The following PBX3 variants were observed in gnomAD, a reference collection of about 807,000 sequenced individuals.
PBX3 encodes pre-B-cell leukemia transcription factor 3.
Under a neutral mutation model 48.5 loss-of-function variants are expected in PBX3, and 14 were observed. That is an observed-to-expected ratio of 0.29 (90% confidence interval 0.19 to 0.45). The LOEUF (loss-of-function observed/expected upper bound fraction) is 0.45, where lower values mean the gene tolerates loss of function less well. Ranked by LOEUF, PBX3 falls within the 20% of genes least tolerant of loss-of-function variation. PBX3 has a pLI of 1.00. For synonymous variants in PBX3, 210 were observed against 200.3 expected, an observed-to-expected ratio of 1.05 and a Z score of -0.41; for missense variants, 386 against 546.7, an observed-to-expected ratio of 0.71 and a Z score of 2.93.
At chr9:125,893,319 C>A (rs767682214) in intron 2 of PBX3, among the ~76,000 whole-genome samples, 1 of 152,148 alleles carries the variant, frequency 6.6e-6, no homozygotes, top group African/African-American at 2.4e-5. Context: ...CTTTTAAAAT[C>A]GAGACTTTAA....
chr9:125,899,458 G>T (rs796746673), intron 2 of PBX3, among the ~76,000 whole-genome samples: 34,762 of 96,236 alleles, frequency 0.36, 6,823 homozygotes, highest in East Asian at 0.43. Flanking sequence ...TATATATAGA[G>T]AGAGAGAGAG....
intron 2 of PBX3, among the ~76,000 whole-genome samples, chr9:125,871,847 G>T (rs1284801107): frequency 1.3e-5 from 2 of 152,190 alleles, no homozygotes; most frequent in Non-Finnish European, 2.9e-5. Context: ...GGCAAAAATA[G>T]AATTGATATT....
In PBX3 at chr9:125,795,455, G is replaced by A. The variant is rs543475748; in HGVS notation, c.274+46832G>A. 7.9e-5 allele frequency among the ~76,000 whole-genome samples: 12 copies of A among 152,274 alleles called. No homozygotes were observed. In the South Asian group the frequency reaches 2.3e-3, roughly 29 times the overall value. On this transcript the variant is annotated intron_variant, in intron 2 of 8. Coordinates refer to ENST00000373489, the MANE Select transcript of PBX3 (RefSeq NM_006195.6). ...TGATATTATATTCTTTGTGATGAAA[G>A]CATATGCTCTAGAGTTAACCATTAA...
chr9:125,883,733 A>G (rs1156259438), intron 2 of PBX3, among the ~76,000 whole-genome samples: 2 of 152,220 alleles, frequency 1.3e-5, no homozygotes, highest in African/African-American at 2.4e-5. Flanking sequence ...GGTTGTCCTA[A>G]ACTGAGCACT....
intron 2 of PBX3, among the ~76,000 whole-genome samples, chr9:125,784,342 T>A (rs1294208665): frequency 6.6e-6 from 1 of 152,164 alleles, no homozygotes; most frequent in East Asian, 1.9e-4. Flanking sequence ...TTGGCCAGGC[T>A]GGTCTTGAAC....
At chr9:125,864,343 A>C (rs370659281) in intron 2 of PBX3, among the ~76,000 whole-genome samples, 1 of 152,018 alleles carries the variant, frequency 6.6e-6, no homozygotes, top group East Asian at 1.9e-4. Flanking sequence ...GCACTCCCCA[A>C]CGTTTTTGGC....
chr9:125,776,228 T>G (rs1436821711), intron 2 of PBX3, among the ~76,000 whole-genome samples: 1 of 152,222 alleles, frequency 6.6e-6, no homozygotes, highest in Non-Finnish European at 1.5e-5. Flanking sequence ...ACCTGTGGGT[T>G]TTCCATAAAA....
At chr9:125,763,666 C>G (rs749974236) in intron 2 of PBX3, among the ~76,000 whole-genome samples, 1 of 152,130 alleles carries the variant, frequency 6.6e-6, no homozygotes, top group East Asian at 1.9e-4. Flanking sequence ...TAACAATACT[C>G]GATGATGTTT....
intron 2 of PBX3, among the ~76,000 whole-genome samples, chr9:125,837,347 G>T (rs970689798): frequency 2.0e-5 from 3 of 150,538 alleles, no homozygotes; most frequent in Non-Finnish European, 4.4e-5. Context: ...CTTATTTTGT[G>T]TGTGTATATA....
At chr9:125,883,889 T>C (rs748559755) in intron 2 of PBX3, among the ~76,000 whole-genome samples, 31 of 152,332 alleles carry the variant, frequency 2.0e-4, no homozygotes, top group Admixed American at 3.9e-4. Context: ...CTGAGAGTTA[T>C]AGCTGTTTTT....
chr9:125,800,635 T>A (rs1314178730), intron 2 of PBX3, among the ~76,000 whole-genome samples: 2 of 151,172 alleles, frequency 1.3e-5, no homozygotes, highest in African/African-American at 4.9e-5. Context: ...CAGGAGAAGT[T>A]TTTTTTTTAT....
At chr9:125,765,732 T>C (rs1375305727) in intron 2 of PBX3, among the ~76,000 whole-genome samples, 4 of 152,182 alleles carry the variant, frequency 2.6e-5, no homozygotes, top group Non-Finnish European at 4.4e-5. Flanking sequence ...ATTATCACTA[T>C]TTTTTGTTGT....
chr9:125,927,195 A>G (rs1045945227), intron 3 of PBX3, among the ~76,000 whole-genome samples: 20 of 152,232 alleles, frequency 1.3e-4, no homozygotes, highest in African/African-American at 4.8e-4. Context: ...CTTGAATTGT[A>G]GTATTAAAAA....
chr9:125,940,501 C>T (rs1841937689), intron 5 of PBX3, among the ~76,000 whole-genome samples: 1 of 152,108 alleles, frequency 6.6e-6, no homozygotes, highest in African/African-American at 2.4e-5. Flanking sequence ...CCATGTCCTA[C>T]CTGATAGAAA....
chr9:125,791,089 A>AT (rs1272160218), intron 2 of PBX3, among the ~76,000 whole-genome samples: 1 of 151,472 alleles, frequency 6.6e-6, no homozygotes, highest in Non-Finnish European at 1.5e-5. Flanking sequence ...TAATTTTTGT[A>AT]TTTTTTAGTA....
At chr9:125,898,473 C>G (rs1370110196) in intron 2 of PBX3, among the ~76,000 whole-genome samples, 3 of 150,652 alleles carry the variant, frequency 2.0e-5, no homozygotes, top group Non-Finnish European at 4.4e-5. Context: ...AAAAAAAGGG[C>G]CTTTTGAATT....
chr9:125,843,622 A>T (rs948503503), intron 2 of PBX3: 1 of 241,562 alleles, frequency 4.1e-6, no homozygotes, highest in African/African-American at 2.3e-5. Context: ...GGTGCTTGGT[A>T]TCCTTGACAA....
At chr9:125,768,324 G>A (rs1179795855) in intron 2 of PBX3, among the ~76,000 whole-genome samples, 1 of 152,074 alleles carries the variant, frequency 6.6e-6, no homozygotes, top group Non-Finnish European at 1.5e-5. Flanking sequence ...CTTTTGAAGA[G>A]AATATCTGTG....
At chr9:125,870,014 C>G (rs988829198) in intron 2 of PBX3, among the ~76,000 whole-genome samples, 6 of 150,638 alleles carry the variant, frequency 4.0e-5, no homozygotes, top group Non-Finnish European at 7.4e-5. Flanking sequence ...ACAATCATGG[C>G]GAAAGGCACA....
Sources: gnomAD v4.1 joint callset for allele counts (sites outside exome capture counted in the v4.1 genomes callset) on GRCh38, gnomAD v4.1.1 for gene constraint, MANE v1.5 for transcripts, NCBI Gene and HGNC (gene_info 2026-07-23, HGNC 2026-07-21) for gene names.